Variants in FANCD2 observed in about 807,000 individuals in gnomAD.
FANCD2 encodes Fanconi anemia group D2 protein.
In FANCD2, 131 loss-of-function variants were observed where a neutral mutation model predicts 192.3. The ratio of observed to expected loss-of-function variants is 0.68; its 90% confidence interval spans 0.59 to 0.79. The LOEUF (loss-of-function observed/expected upper bound fraction) is 0.79, where lower values mean the gene tolerates loss of function less well. Ranked by LOEUF, FANCD2 falls within the 30% of genes least tolerant of loss-of-function variation. FANCD2 has a pLI of 0.00. For missense variants in FANCD2, 1,508 were observed against 1,701.6 expected, an observed-to-expected ratio of 0.89 and a Z score of 2.00; for synonymous variants, 524 against 612.5, an observed-to-expected ratio of 0.86 and a Z score of 2.13.
chr3:10,056,867 G>GT (rs959416128), intron 18 of FANCD2, among the ~76,000 whole-genome samples: 4 of 151,724 alleles, frequency 2.6e-5, no homozygotes, highest in African/African-American at 9.7e-5. Flanking sequence ...TGTTTGTTTT[G>GT]TTTTTGAGAT....
At chr3:10,083,461 A>G (rs1348030048) in intron 32 of FANCD2, 2 of 152,218 alleles carry the variant, frequency 1.3e-5, no homozygotes, top group African/African-American at 4.8e-5. Context: ...GAGCTCTCAC[A>G]TGCTTCTAGG....
intron 43 of FANCD2, chr3:10,099,177 T>A: frequency 7.1e-7 from 1 of 1,415,616 alleles, no homozygotes; most frequent in Non-Finnish European, 9.2e-7. Context: ...TTAAACACAT[T>A]TGAAACATAC....
intron 9 of FANCD2, chr3:10,040,960 G>C (rs1475714880): frequency 6.0e-6 from 1 of 166,402 alleles, no homozygotes. Flanking sequence ...TTGGGCGGCT[G>C]AAGTGGGTGG....
At chr3:10,044,901 T>C (rs780840005) in intron 14 of FANCD2, among the ~76,000 whole-genome samples, 1 of 152,330 alleles carries the variant, frequency 6.6e-6, no homozygotes, top group East Asian at 1.9e-4. Context: ...TTCTTACTTT[T>C]TTTTCTTAAC....
intron 30 of FANCD2, among the ~76,000 whole-genome samples, chr3:10,080,896 A>C (rs1427954918): frequency 2.0e-5 from 3 of 152,114 alleles, no homozygotes; most frequent in Non-Finnish European, 4.4e-5. Flanking sequence ...CACTGTTCCT[A>C]CTCTACAAAA....
chr3:10,053,788 T>A (rs2125014176), intron 18 of FANCD2, among the ~76,000 whole-genome samples: 1 of 152,254 alleles, frequency 6.6e-6, no homozygotes, highest in South Asian at 2.1e-4. Flanking sequence ...CTTTGTCTGT[T>A]AGGGTAGAGA....
At chr3:10,036,105 T>TTTTTTTG (rs2086724568) in intron 6 of FANCD2, among the ~76,000 whole-genome samples, 182 bp from the exon 7 acceptor site, 1 of 146,788 alleles carries the variant, frequency 6.8e-6, no homozygotes, top group African/African-American at 2.6e-5. Context: ...TTTTTTTTTT[T>TTTTTTTG]GAGTCAGAGT....
chr3:10,097,988 G>GT (rs34966633), intron 42 of FANCD2, among the ~76,000 whole-genome samples: 3 of 151,766 alleles, frequency 2.0e-5, no homozygotes, highest in Admixed American at 1.3e-4. Context: ...CATTTATAAG[G>GT]TTTTTTTTAG....
At chr3:10,053,807 T>G (rs1313197285) in intron 18 of FANCD2, among the ~76,000 whole-genome samples, 2 of 152,136 alleles carry the variant, frequency 1.3e-5, no homozygotes, top group East Asian at 1.9e-4. Flanking sequence ...GATGGGTCTG[T>G]GATCAGCTAA....
chr3:10,066,457 TA>T (rs1382268853), intron 25 of FANCD2, among the ~76,000 whole-genome samples: 2 of 152,262 alleles, frequency 1.3e-5, no homozygotes, highest in Non-Finnish European at 2.9e-5. Flanking sequence ...TCTATTATGA[TA>T]CGGGCAGGAT....
chr3:10,047,747 C>G (rs1223420106), intron 15 of FANCD2, among the ~76,000 whole-genome samples, 170 bp from the exon 16 acceptor site: 2 of 152,182 alleles, frequency 1.3e-5, no homozygotes, highest in African/African-American at 2.4e-5. Flanking sequence ...TGAGAGTAAT[C>G]TCAGAATGAT....
intron 25 of FANCD2, among the ~76,000 whole-genome samples, chr3:10,066,476 G>A (rs928768389): frequency 3.9e-5 from 6 of 152,124 alleles, no homozygotes; most frequent in Non-Finnish European, 5.9e-5. Context: ...GATAGCTATT[G>A]TCCTCATTTT....
At position 10,039,290 on chromosome 3, in the gene FANCD2, A is replaced by G; in HGVS notation, c.503A>G (p.Asp168Gly). 6.2e-7 allele frequency: 1 copy of G among 1,613,538 alleles called. No individual in the cohort carries two copies. The highest frequency in any genetic ancestry group is 1.1e-5 in the South Asian group (1 of 90,982). Reference protein sequence around the residue: ...PEYFFENKNSDEINIPRLIVS... With the variant: ...PEYFFENKNSGEINIPRLIVS... ...TCCTAACATTTTAGCAAGAACAGTGATGAAATCAACATACCTCGACTCATT... is the reference window on the plus strand; with the variant it reads ...TCCTAACATTTTAGCAAGAACAGTGGTGAAATCAACATACCTCGACTCATT... Residue 168 changes from aspartate (D) to glycine (G), a missense_variant, in exon 8 of 44, where the codon GAT becomes GGT. Coordinates refer to ENST00000675286, the MANE Select transcript of FANCD2 (RefSeq NM_001018115.3).
At chr3:10,037,385 G>C (rs1416401996) in intron 7 of FANCD2, among the ~76,000 whole-genome samples, 2 of 152,260 alleles carry the variant, frequency 1.3e-5, no homozygotes, top group Admixed American at 1.3e-4. Flanking sequence ...AGGCATGCTT[G>C]TACGTTGCTA....
intron 9 of FANCD2, 104 bp downstream of exon 9, chr3:10,039,949 G>T: frequency 7.4e-7 from 1 of 1,348,990 alleles, no homozygotes; most frequent in South Asian, 1.2e-5. Context: ...TATCTAAAAA[G>T]AGGATGATAC....
chr3:10,096,421 C>G lies in FANCD2; in HGVS notation c.4134C>G (p.Asn1378Lys), dbSNP rs1694967960. 6.2e-7 allele frequency: 1 copy of G among 1,614,010 alleles called. No individual in the cohort carries two copies. Reference sequence around the variant, plus strand: ...GAGTCAAAGCTATGCTCACTCTCAACAATTGTAGAGAGGCTTTCTGGCTGG... The same window carrying G: ...GAGTCAAAGCTATGCTCACTCTCAAGAATTGTAGAGAGGCTTTCTGGCTGG... The part of the protein sequence containing the change: ...VCRVKAMLTL[N>K]NCREAFWLGN... Residue 1378 changes from asparagine (N) to lysine (K), a missense_variant, in exon 42 of 44, where the codon AAC (asparagine) becomes AAG (lysine). This residue lies in a region of FANCD2 where 796 missense variants were observed against 879.4 expected (regional missense o/e 0.91). Transcript: ENST00000675286.
Position 10,101,459 on chromosome 3 carries a change from C to T in FANCD2, c.*197C>T. The T allele has an allele frequency of 3.7e-6, 2 of 535,846 alleles. No homozygotes were observed. Among genetic ancestry groups the T allele is most frequent in the South Asian group, 4.1e-5 (2 of 48,342 alleles). 33.2% of individuals were successfully genotyped at this position (535,846 alleles called of 1,614,324 possible). ...GGAGTGCAGTGCTGCAATCTTGGCT[C>T]ACTGCAACCTCCATCTCCTAGGTTC... On this transcript the variant is annotated 3_prime_UTR_variant, in exon 44 of 44. Transcript: ENST00000675286.
chr3:10,047,791 A>T, intron 15 of FANCD2, 126 bp from the exon 16 acceptor site: 2 of 1,133,826 alleles, frequency 1.8e-6, no homozygotes, highest in Non-Finnish European at 2.6e-6. Context: ...AAAGATTAAG[A>T]TTTCCTAAGT....
intron 1 of FANCD2, among the ~76,000 whole-genome samples, chr3:10,027,904 C>CGAAAAA (rs2086494307): frequency 1.5e-5 from 1 of 66,508 alleles, no homozygotes; most frequent in African/African-American, 5.9e-5. Flanking sequence ...GACTCCGTCT[C>CGAAAAA]AAAAAAAAAA....
Sources: allele counts gnomAD v4.1 joint callset (sites outside exome capture counted in the v4.1 genomes callset), GRCh38; gene constraint gnomAD v4.1.1; regional missense constraint gnomAD v4.1.1; transcripts MANE v1.5; gene names NCBI Gene and HGNC (gene_info 2026-07-23, HGNC 2026-07-21).